The following MGAT4C variants were observed in gnomAD, a reference collection of about 807,000 sequenced individuals.
MGAT4C encodes the protein alpha-1,3-mannosyl-glycoprotein 4-beta-N-acetylglucosaminyltransferase C.
Under a neutral mutation model 40.1 loss-of-function variants are expected in MGAT4C, and 19 were observed. The ratio of observed to expected loss-of-function variants is 0.47; its 90% CI spans 0.33 to 0.70. The LOEUF (loss-of-function observed/expected upper bound fraction) is 0.70. Among genes scored for constraint, MGAT4C ranks in the 30% least tolerant of loss-of-function variants. The pLI is 0.02. For missense variants in MGAT4C, 491 were observed against 563.2 expected (o/e 0.87, Z 1.30); for synonymous variants, 181 against 187.1 (o/e 0.97, Z 0.27).
chr12:86,342,318 C>T (rs1954922898), intron 3 of MGAT4C, among the ~76,000 whole-genome samples: 1 of 152,078 alleles, frequency 6.6e-6, no homozygotes, highest in Non-Finnish European at 1.5e-5. Flanking sequence ...CATGTCTCCT[C>T]AGCAGGCAGG....
intron 1 of MGAT4C, among the ~76,000 whole-genome samples, chr12:86,112,088 G>GA (rs1304111391): frequency 6.6e-6 from 1 of 151,658 alleles, no homozygotes; most frequent in African/African-American, 2.4e-5. Context: ...AAATACAATA[G>GA]AAAAAATGAA....
At chr12:86,383,018 G>C (rs1955973339) in intron 3 of MGAT4C, among the ~76,000 whole-genome samples, 1 of 152,212 alleles carries the variant, frequency 6.6e-6, no homozygotes, top group Admixed American at 6.5e-5. Flanking sequence ...TCCTGGAGCT[G>C]TGAGAAGAGG....
At chr12:86,712,363 A>G (rs1950572072) in intron 2 of MGAT4C, among the ~76,000 whole-genome samples, 1 of 152,156 alleles carries the variant, frequency 6.6e-6, no homozygotes, top group African/African-American at 2.4e-5. Context: ...TCAGTTCTCG[A>G]TCCATGAATA....
intron 3 of MGAT4C, 112 bp downstream of exon 3, chr12:85,989,288 C>A: frequency 1.9e-6 from 2 of 1,056,998 alleles, no homozygotes; most frequent in South Asian, 2.7e-5. Flanking sequence ...TAATTTTGCT[C>A]AAACTAAGTC....
At chr12:86,312,038 C>T (rs923090730) in intron 4 of MGAT4C, among the ~76,000 whole-genome samples, 5 of 151,970 alleles carry the variant, frequency 3.3e-5, no homozygotes, top group African/African-American at 1.2e-4. Flanking sequence ...TCAAGAAAGA[C>T]CACAGAAGAA....
At chr12:86,571,840 C>A (rs1960381297) in intron 2 of MGAT4C, among the ~76,000 whole-genome samples, 1 of 152,118 alleles carries the variant, frequency 6.6e-6, no homozygotes, top group South Asian at 2.1e-4. Context: ...GTAGATTAGG[C>A]ACTTAGATTT....
intron 3 of MGAT4C, among the ~76,000 whole-genome samples, chr12:86,348,285 C>T (rs1422089024): frequency 2.6e-5 from 4 of 152,080 alleles, no homozygotes; most frequent in Admixed American, 1.3e-4. Context: ...TCATTCACTC[C>T]TTAATCTTTT....
At chr12:86,307,040 A>C (rs1377971858) in intron 4 of MGAT4C, among the ~76,000 whole-genome samples, 2 of 150,532 alleles carry the variant, frequency 1.3e-5, no homozygotes, top group Non-Finnish European at 2.9e-5. Context: ...TTTTTCTAGT[A>C]GATTCAATGA....
At chr12:86,530,290 A>G (rs1958959308) in intron 2 of MGAT4C, among the ~76,000 whole-genome samples, 1 of 151,872 alleles carries the variant, frequency 6.6e-6, no homozygotes, top group Non-Finnish European at 1.5e-5. Context: ...ACTTCTATAT[A>G]TTTGATTTTT....
intron 2 of MGAT4C, among the ~76,000 whole-genome samples, chr12:86,467,905 G>A (rs1200918385): frequency 2.0e-5 from 3 of 151,906 alleles, no homozygotes; most frequent in Admixed American, 6.6e-5. Context: ...AAATTAATTT[G>A]AATTAAATGA....
chr12:86,050,106 A>T (rs918540166), intron 1 of MGAT4C, among the ~76,000 whole-genome samples: 1 of 152,034 alleles, frequency 6.6e-6, no homozygotes, highest in Admixed American at 6.6e-5. Context: ...TATTTTCCTT[A>T]AGAAAGTACT....
chr12:86,034,362 C>T (rs1290095884), intron 2 of MGAT4C, among the ~76,000 whole-genome samples: 4 of 149,536 alleles, frequency 2.7e-5, no homozygotes, highest in African/African-American at 9.7e-5. Context: ...TAGAATTTGG[C>T]TGTGAATCCA....
At chr12:86,801,713 C>A (rs530009519) in intron 1 of MGAT4C, among the ~76,000 whole-genome samples, 32 of 151,946 alleles carry the variant, frequency 2.1e-4, no homozygotes, top group African/African-American at 7.5e-4. Flanking sequence ...TGGTTGTGAT[C>A]TGACATGTAT....
At chr12:86,270,412 C>A (rs1160883652) in intron 4 of MGAT4C, among the ~76,000 whole-genome samples, 1 of 152,140 alleles carries the variant, frequency 6.6e-6, no homozygotes, top group Non-Finnish European at 1.5e-5. Flanking sequence ...TAAAAAAGAA[C>A]TCCCCATACC....
chr12:86,047,065 T>C (rs1892466203), intron 2 of MGAT4C, among the ~76,000 whole-genome samples: 1 of 152,202 alleles, frequency 6.6e-6, no homozygotes, highest in Non-Finnish European at 1.5e-5. Flanking sequence ...CAAATATTAA[T>C]AGATGAAAAT....
chr12:86,593,159 A>G (rs1402700253), intron 2 of MGAT4C, among the ~76,000 whole-genome samples: 1 of 151,984 alleles, frequency 6.6e-6, no homozygotes, highest in Non-Finnish European at 1.5e-5. Flanking sequence ...TGTATAACTT[A>G]CTGACATACA....
At chr12:86,812,597 C>T (rs1329875758) in intron 1 of MGAT4C, among the ~76,000 whole-genome samples, 1 of 151,932 alleles carries the variant, frequency 6.6e-6, no homozygotes, top group East Asian at 1.9e-4. Flanking sequence ...CTTTATTAGG[C>T]CGTATATATT....
rs184733955 is a variant in MGAT4C at position 86,145,288 on chromosome 12, T to C, written c.-56-95565A>G. 1.4e-4 allele frequency among the ~76,000 whole-genome samples: 22 copies of C among 152,294 alleles called. No individual in the cohort carries two copies. In the East Asian group the frequency reaches 3.7e-3, roughly 25 times the overall value. On this transcript the variant is annotated intron_variant, in intron 1 of 4. Coordinates refer to ENST00000611864, the MANE Select transcript of MGAT4C (RefSeq NM_001351288.2). Reference sequence around the variant, plus strand: ...TTTTTTGGCTTAGGAGCCTCCTTTATGCAAATTGGTAGGAGACCATTTTCA... The same window carrying C: ...TTTTTTGGCTTAGGAGCCTCCTTTACGCAAATTGGTAGGAGACCATTTTCA...
At chr12:86,268,342 A>T (rs1303075986) in intron 4 of MGAT4C, among the ~76,000 whole-genome samples, 1 of 152,044 alleles carries the variant, frequency 6.6e-6, no homozygotes. Flanking sequence ...TACACACTTC[A>T]TTGTATTAAT....
Sources: gnomAD v4.1 joint callset for allele counts (sites outside exome capture counted in the v4.1 genomes callset) on GRCh38, gnomAD v4.1.1 for gene constraint, MANE v1.5 for transcripts, NCBI Gene and HGNC (gene_info 2026-07-23, HGNC 2026-07-21) for gene names.